DAB1: variants seen among roughly 807,000 people sequenced by gnomAD.
DAB1 encodes the protein disabled homolog 1.
In DAB1, 15 loss-of-function variants were observed where a neutral mutation model predicts 64.6. The observed-to-expected ratio is 0.23, with a 90% confidence interval of 0.16 to 0.36. The LOEUF is 0.36. Among genes scored for constraint, DAB1 ranks in the 10% least tolerant of loss-of-function variants. The pLI, the probability that DAB1 is intolerant of heterozygous loss-of-function variation, is 1.00. For missense variants in DAB1, 596 were observed against 706.7 expected, an observed-to-expected ratio of 0.84 and a Z score of 1.78; for synonymous variants, 235 against 251.9, an observed-to-expected ratio of 0.93 and a Z score of 0.64.
intron 4 of DAB1, among the ~76,000 whole-genome samples, chr1:58,298,000 G>T (rs779088153): frequency 1.3e-5 from 2 of 152,124 alleles, no homozygotes; most frequent in Non-Finnish European, 2.9e-5. Context: ...GACCCTAAAA[G>T]CGCTTTCAAG....
At chr1:57,946,627 C>T (rs1645187949) in intron 5 of DAB1, among the ~76,000 whole-genome samples, 1 of 152,240 alleles carries the variant, frequency 6.6e-6, no homozygotes, top group African/African-American at 2.4e-5. Context: ...TATATATATT[C>T]CCTGGTCTCT....
chr1:57,220,616 G>A (rs1666790644), intron 2 of DAB1, among the ~76,000 whole-genome samples: 1 of 152,156 alleles, frequency 6.6e-6, no homozygotes, highest in South Asian at 2.1e-4. Context: ...CTTCTCAAAA[G>A]AAGACATTTA....
intron 7 of DAB1, chr1:57,606,087 G>C (rs1434422278): frequency 1.9e-6 from 1 of 529,714 alleles, no homozygotes; most frequent in Non-Finnish European, 3.6e-6. Context: ...TTGCTCCTCT[G>C]ATCAAGTCAG....
intron 1 of DAB1, among the ~76,000 whole-genome samples, chr1:57,332,368 C>CTCAT (rs953303011): frequency 5.9e-5 from 9 of 152,142 alleles, no homozygotes; most frequent in Admixed American, 1.3e-4. Context: ...CCCATCCTCA[C>CTCAT]TATGCCTCAG....
intron 5 of DAB1, among the ~76,000 whole-genome samples, chr1:57,904,016 T>G (rs1644513778): frequency 6.6e-6 from 1 of 152,244 alleles, no homozygotes; most frequent in Non-Finnish European, 1.5e-5. Flanking sequence ...AATTCATACA[T>G]CTTCCTTTGT....
chr1:58,127,512 T>C (rs1653195654), intron 5 of DAB1, among the ~76,000 whole-genome samples: 2 of 151,812 alleles, frequency 1.3e-5, no homozygotes, highest in African/African-American at 4.8e-5. Context: ...GCTTTTGGTG[T>C]TTTAGACATG....
intron 6 of DAB1, among the ~76,000 whole-genome samples, chr1:57,771,463 C>T (rs947528045): frequency 4.6e-5 from 7 of 152,010 alleles, no homozygotes; most frequent in African/African-American, 1.7e-4. Context: ...GGATGTTAGC[C>T]CATGTTGTTC....
chr1:57,348,638 C>T (rs1678318976), intron 1 of DAB1, among the ~76,000 whole-genome samples: 1 of 152,068 alleles, frequency 6.6e-6, no homozygotes, highest in South Asian at 2.1e-4. Context: ...GGAATGAAAA[C>T]CAATTTTCCC....
chr1:57,775,868 T>C (rs1296055488), intron 6 of DAB1, among the ~76,000 whole-genome samples: 1 of 151,722 alleles, frequency 6.6e-6, no homozygotes, highest in Non-Finnish European at 1.5e-5. Context: ...TTTTGCTTCA[T>C]GTATTTTGAA....
chr1:57,582,631 T>C (rs760904819), intron 7 of DAB1, among the ~76,000 whole-genome samples: 5 of 152,240 alleles, frequency 3.3e-5, no homozygotes, highest in Non-Finnish European at 5.9e-5. Context: ...TGTTATGAGC[T>C]GATAGGAGCC....
At chr1:58,286,187 A>G (rs587322) in intron 4 of DAB1, among the ~76,000 whole-genome samples, 39,735 of 152,188 alleles carry the variant, frequency 0.26, 6,183 homozygotes, top group African/African-American at 0.43. Flanking sequence ...AAATACTTCA[A>G]TGTAAAGCCC....
intron 5 of DAB1, among the ~76,000 whole-genome samples, chr1:58,119,736 G>A (rs1418644972): frequency 6.6e-6 from 1 of 152,192 alleles, no homozygotes; most frequent in African/African-American, 2.4e-5. Context: ...GGACAACAGA[G>A]CATCCATGAC....
At chr1:57,187,576 C>T (rs960818494) in intron 2 of DAB1, among the ~76,000 whole-genome samples, 1 of 152,194 alleles carries the variant, frequency 6.6e-6, no homozygotes, top group Admixed American at 6.5e-5. Flanking sequence ...TCCCTTGGGG[C>T]TGACAAAGTC....
intron 3 of DAB1, among the ~76,000 whole-genome samples, chr1:58,409,006 T>C (rs1484997216): frequency 1.3e-5 from 2 of 152,170 alleles, no homozygotes; most frequent in Non-Finnish European, 2.9e-5. Flanking sequence ...AAGTCAAAGG[T>C]AAGACTCACA....
intron 5 of DAB1, among the ~76,000 whole-genome samples, chr1:57,916,536 C>T (rs1026658015): frequency 4.6e-5 from 7 of 152,212 alleles, no homozygotes; most frequent in Non-Finnish European, 1.5e-5. Context: ...ACATACTAGG[C>T]ACTATTCTTA....
intron 2 of DAB1, among the ~76,000 whole-genome samples, chr1:57,246,947 C>T (rs1668930116): frequency 6.6e-6 from 1 of 152,204 alleles, no homozygotes; most frequent in Admixed American, 6.5e-5. Context: ...TTACCCACTG[C>T]CTGTACCCCC....
chr1:58,381,041 G>A (rs954880972), intron 3 of DAB1, among the ~76,000 whole-genome samples: 1 of 152,158 alleles, frequency 6.6e-6, no homozygotes, highest in Non-Finnish European at 1.5e-5. Context: ...AACTAATGCA[G>A]GAACAGAAAA....
chr1:57,757,990 G>GA (rs1175615400), intron 6 of DAB1, among the ~76,000 whole-genome samples: 2 of 151,930 alleles, frequency 1.3e-5, no homozygotes, highest in African/African-American at 4.8e-5. Flanking sequence ...TTAATTAAAA[G>GA]AAAAATTGTA....
rs79154319 is a variant in DAB1 at position 57,167,772 on chromosome 1, C to T, written c.68-22343G>A. 1.6e-3 allele frequency among the ~76,000 whole-genome samples: 248 copies of T among 152,254 alleles called. 1 individual carries two copies. Among genetic ancestry groups the T allele is most frequent in the African/African-American group, 5.5e-3 (230 of 41,552 alleles). On this transcript the variant is annotated intron_variant, in intron 2 of 14. Transcript: ENST00000371236. ...CCCTGCCAAGTTAAAGTGTAGTCAC[C>T]GTAATCTAATAACTCATTTGTGGCA... is the stretch of plus-strand genomic sequence containing the variant.
Sources: gnomAD v4.1 joint callset for allele counts (sites outside exome capture counted in the v4.1 genomes callset) on GRCh38, gnomAD v4.1.1 for gene constraint, MANE v1.5 for transcripts, NCBI Gene and HGNC (gene_info 2026-07-23, HGNC 2026-07-21) for gene names.